TRHDE: variants seen among roughly 807,000 people sequenced by gnomAD.
The protein encoded by TRHDE is thyrotropin-releasing hormone-degrading ectoenzyme.
In TRHDE, 72 loss-of-function variants were observed where a neutral mutation model predicts 125.7. That is an observed-to-expected ratio of 0.57 (90% confidence interval 0.47 to 0.70). TRHDE has a LOEUF of 0.70. Among genes scored for constraint, TRHDE ranks in the 30% least tolerant of loss-of-function variants. The probability of loss-of-function intolerance (pLI) is 0.00; values close to 1 mark genes in which losing one functional copy is unlikely to be tolerated. For synonymous variants in TRHDE, 509 were observed against 509.1 expected (o/e 1.00, Z 0.00); for missense variants, 1,110 against 1,327.1 (o/e 0.84, Z 2.54).
At position 72,168,781 on chromosome 12, in the gene TRHDE, T is replaced by C. The variant is rs1876809011; in HGVS notation, n.279+63029T>C. Among the ~76,000 whole-genome samples the C allele has an allele frequency of 2.0e-5, 3 of 152,222 alleles. No individual in the cohort carries two copies. The South Asian group carries it at 6.2e-4, about 32-fold the overall frequency. ...TATTCTTTTGAGAAGGTAAACAATGTAGATTATTGGCAACTTGTTTTAATT... is the reference window on the plus strand; with the variant it reads ...TATTCTTTTGAGAAGGTAAACAATGCAGATTATTGGCAACTTGTTTTAATT... On this transcript the variant is annotated intron_variant and non_coding_transcript_variant, in intron 2 of 4. Transcript: ENST00000548156.
intron 3 of TRHDE, among the ~76,000 whole-genome samples, chr12:72,407,230 A>T (rs539927393): frequency 6.6e-6 from 1 of 152,314 alleles, no homozygotes; most frequent in Non-Finnish European, 1.5e-5. Flanking sequence ...TGCAGTTGGA[A>T]GCTGTAGAGG....
chr12:72,534,584 G>A (rs1428048472), intron 6 of TRHDE, among the ~76,000 whole-genome samples: 1 of 151,820 alleles, frequency 6.6e-6, no homozygotes, highest in Admixed American at 6.6e-5. Flanking sequence ...ATAAAAAGAT[G>A]ATATTGATGA....
chr12:72,481,603 G>A (rs1339903417), intron 5 of TRHDE, among the ~76,000 whole-genome samples: 2 of 147,348 alleles, frequency 1.4e-5, no homozygotes, highest in Non-Finnish European at 3.0e-5. Context: ...ATATTGGCTA[G>A]ATCACTGTTC....
chr12:72,481,248 G>T (rs551603751), intron 5 of TRHDE, among the ~76,000 whole-genome samples: 17 of 150,370 alleles, frequency 1.1e-4, no homozygotes, highest in Middle Eastern at 3.5e-3. Context: ...TTTTATCAAG[G>T]TTACTTTAAT....
intron 2 of TRHDE, among the ~76,000 whole-genome samples, chr12:72,217,514 G>C (rs1252770967): frequency 6.6e-6 from 1 of 152,074 alleles, no homozygotes; most frequent in African/African-American, 2.4e-5. Flanking sequence ...CTCTTATTTG[G>C]TCATCAATGT....
intron 2 of TRHDE, among the ~76,000 whole-genome samples, chr12:72,120,384 T>C (rs1222804007): frequency 1.3e-5 from 2 of 152,004 alleles, no homozygotes; most frequent in African/African-American, 4.8e-5. Context: ...TTCTAGTTGT[T>C]TTGTAGTCTT....
intron 3 of TRHDE, among the ~76,000 whole-genome samples, chr12:72,385,382 C>T (rs1006354056): frequency 5.3e-5 from 8 of 151,914 alleles, no homozygotes; most frequent in Non-Finnish European, 1.0e-4. Flanking sequence ...TTAGCAAGTA[C>T]CATAGAGAAA....
At chr12:72,551,545 C>G (rs1215538365) in intron 7 of TRHDE, among the ~76,000 whole-genome samples, 1 of 152,050 alleles carries the variant, frequency 6.6e-6, no homozygotes, top group Non-Finnish European at 1.5e-5. Context: ...ACCAGCTTTG[C>G]TTAGTTTTGT....
intron 7 of TRHDE, among the ~76,000 whole-genome samples, chr12:72,547,532 T>C (rs1340800666): frequency 1.3e-5 from 2 of 151,830 alleles, no homozygotes; most frequent in African/African-American, 4.8e-5. Context: ...ATAATTGTTT[T>C]GCTTTTTGAT....
chr12:72,408,617 A>G (rs962136141), intron 3 of TRHDE, among the ~76,000 whole-genome samples: 2 of 152,214 alleles, frequency 1.3e-5, no homozygotes, highest in African/African-American at 4.8e-5. Flanking sequence ...GATTATAGCC[A>G]CAAGTTATAA....
chr12:72,321,082 C>T (rs934785836), intron 2 of TRHDE, among the ~76,000 whole-genome samples: 2 of 152,048 alleles, frequency 1.3e-5, no homozygotes, highest in African/African-American at 4.8e-5. Context: ...TAAGAATGAG[C>T]AGGGTGAGAG....
chr12:72,470,748 A>G (rs1475742514), intron 4 of TRHDE, among the ~76,000 whole-genome samples: 1 of 151,312 alleles, frequency 6.6e-6, no homozygotes, highest in Non-Finnish European at 1.5e-5. Context: ...CTAAGGAAAG[A>G]GTGATGTGAA....
At chr12:72,260,331 ATTAC>A (rs1274910301) in intron 2 of TRHDE, among the ~76,000 whole-genome samples, 1 of 149,462 alleles carries the variant, frequency 6.7e-6, no homozygotes, top group Non-Finnish European at 1.5e-5. Flanking sequence ...TCTAGAACAT[ATTAC>A]TTATTCAGGA....
intron 7 of TRHDE, among the ~76,000 whole-genome samples, chr12:72,556,701 A>G (rs1869943039): frequency 6.6e-6 from 1 of 152,198 alleles, no homozygotes; most frequent in African/African-American, 2.4e-5. Context: ...CCCCCGTATA[A>G]AACTGGTATT....
At chr12:72,337,441 G>A (rs188514470) in intron 2 of TRHDE, among the ~76,000 whole-genome samples, 1 of 152,260 alleles carries the variant, frequency 6.6e-6, no homozygotes, top group Non-Finnish European at 1.5e-5. Flanking sequence ...GAAACAAAGG[G>A]AGAAGTAAAT....
exon 1 of TRHDE, chr12:72,087,388 G>A (rs1167370509): frequency 6.6e-6 from 1 of 152,304 alleles, no homozygotes; most frequent in Non-Finnish European, 1.5e-5. Flanking sequence ...GATAAAACCT[G>A]AAGACACAGA....
At chr12:72,640,207 T>C (rs1873988511) in intron 15 of TRHDE, among the ~76,000 whole-genome samples, 1 of 152,202 alleles carries the variant, frequency 6.6e-6, no homozygotes, top group Admixed American at 6.5e-5. Context: ...AATCTCCTGG[T>C]GTGCTGTTTT....
At chr12:72,154,491 G>A (rs554986436) in intron 2 of TRHDE, among the ~76,000 whole-genome samples, 52 of 152,164 alleles carry the variant, frequency 3.4e-4, no homozygotes, top group Non-Finnish European at 6.0e-4. Context: ...TCCTAGCCTC[G>A]ATGGTCTTTA....
chr12:72,224,909 C>T (rs1592490772), intron 2 of TRHDE, among the ~76,000 whole-genome samples: 1 of 152,060 alleles, frequency 6.6e-6, no homozygotes, highest in Admixed American at 6.6e-5. Flanking sequence ...TTAAAATAGT[C>T]ATTATCTCAC....
Sources: gnomAD v4.1 joint callset for allele counts (sites outside exome capture counted in the v4.1 genomes callset) on GRCh38, gnomAD v4.1.1 for gene constraint, MANE v1.5 for transcripts, NCBI Gene and HGNC (gene_info 2026-07-23, HGNC 2026-07-21) for gene names.